The following SGCD variants were observed in gnomAD, a reference collection of about 807,000 sequenced individuals.
The protein encoded by SGCD is sarcoglycan delta, also known as delta-sarcoglycan.
A neutral mutation model predicts 36.6 loss-of-function variants in SGCD; 18 were observed. The observed-to-expected ratio is 0.49, with a 90% CI of 0.34 to 0.73. The LOEUF is 0.73. Ranked by LOEUF, SGCD falls within the 30% of genes least tolerant of loss-of-function variation. The pLI, the probability that SGCD is intolerant of heterozygous loss-of-function variation, is 0.01. For missense variants in SGCD, 387 were observed against 346.7 expected, an observed-to-expected ratio of 1.12 and a Z score of -0.92; for synonymous variants, 133 against 130.6, an observed-to-expected ratio of 1.02 and a Z score of -0.12.
intron 1 of SGCD, among the ~76,000 whole-genome samples, chr5:155,912,145 G>A (rs982631357): frequency 2.0e-5 from 3 of 152,014 alleles, no homozygotes; most frequent in African/African-American, 4.8e-5. Context: ...CAATGAATAA[G>A]TGACTTGTGT....
At chr5:155,764,605 A>T in the SGCD span, among the ~76,000 whole-genome samples, 1 of 152,182 alleles carries the variant, frequency 6.6e-6, no homozygotes, top group African/African-American at 2.4e-5. Flanking sequence ...GAGCCCATTG[A>T]AAACCTTTGC....
At chr5:156,564,432 A>G (rs978140516) in intron 4 of SGCD, among the ~76,000 whole-genome samples, 1 of 152,214 alleles carries the variant, frequency 6.6e-6, no homozygotes, top group African/African-American at 2.4e-5. Flanking sequence ...CCTGGGCGAC[A>G]GAGCAAGACT....
At chr5:156,700,942 CA>C (rs66896485) in intron 7 of SGCD, among the ~76,000 whole-genome samples, 3,658 of 128,410 alleles carry the variant, frequency 0.028, 156 homozygotes, top group African/African-American at 0.099. Context: ...GACCTTGTCT[CA>C]AAAAAAAAAA....
At chr5:156,350,193 T>C (rs1284301937) in intron 3 of SGCD, among the ~76,000 whole-genome samples, 1 of 146,992 alleles carries the variant, frequency 6.8e-6, no homozygotes, top group Non-Finnish European at 1.5e-5. Flanking sequence ...ACTATATTAT[T>C]GATCCATGTA....
At chr5:156,293,230 C>T (rs1303327172) in intron 3 of SGCD, among the ~76,000 whole-genome samples, 1 of 152,086 alleles carries the variant, frequency 6.6e-6, no homozygotes, top group Non-Finnish European at 1.5e-5. Context: ...TGTATAATAA[C>T]ATACCTGGCT....
intron 2 of SGCD, among the ~76,000 whole-genome samples, chr5:156,334,792 A>G (rs1768257560): frequency 6.6e-6 from 1 of 152,006 alleles, no homozygotes; most frequent in East Asian, 1.9e-4. Flanking sequence ...GATATATCCC[A>G]GATGCCTTGA....
intron 3 of SGCD, among the ~76,000 whole-genome samples, chr5:156,498,105 AAC>A (rs1249990881): frequency 6.6e-6 from 1 of 151,986 alleles, no homozygotes; most frequent in African/African-American, 2.4e-5. Context: ...GTGCACAAAT[AAC>A]AGTCATGTTT....
chr5:155,968,302 G>A (rs755073517), intron 1 of SGCD, among the ~76,000 whole-genome samples: 4 of 152,084 alleles, frequency 2.6e-5, no homozygotes, highest in African/African-American at 7.2e-5. Context: ...CACATGGCAC[G>A]TGGGTGCTTT....
intron 8 of SGCD, 34 bp from the exon 9 acceptor site, chr5:156,759,183 G>A (rs1167449396): frequency 6.3e-7 from 1 of 1,579,310 alleles, no homozygotes; most frequent in East Asian, 2.2e-5. Context: ...GACAGCCTCT[G>A]ACCAATGCTT....
At chr5:156,620,307 A>G (rs1762193008) in intron 6 of SGCD, among the ~76,000 whole-genome samples, 1 of 152,238 alleles carries the variant, frequency 6.6e-6, no homozygotes, top group Non-Finnish European at 1.5e-5. Context: ...GTTGAACACC[A>G]TTTGTACAAC....
chr5:155,749,604 G>T, the SGCD span, among the ~76,000 whole-genome samples: 6 of 152,118 alleles, frequency 3.9e-5, no homozygotes, highest in Admixed American at 3.3e-4. Context: ...TGTAGTTTTC[G>T]ATTAAAATGT....
At chr5:156,588,775 G>C (rs1053486844) in intron 4 of SGCD, among the ~76,000 whole-genome samples, 1 of 152,132 alleles carries the variant, frequency 6.6e-6, no homozygotes, top group Non-Finnish European at 1.5e-5. Flanking sequence ...ATGCCCGAGG[G>C]GCAGATCTTG....
intron 3 of SGCD, among the ~76,000 whole-genome samples, chr5:156,485,912 G>A (rs1389613856): frequency 1.3e-5 from 2 of 152,226 alleles, no homozygotes; most frequent in East Asian, 3.9e-4. Context: ...ATCCCCAGCA[G>A]TTCATGTTCC....
chr5:156,305,291 A>G (rs966392250), intron 3 of SGCD, among the ~76,000 whole-genome samples: 3 of 152,156 alleles, frequency 2.0e-5, no homozygotes, highest in African/African-American at 4.8e-5. Context: ...TGCTGTGTGC[A>G]GCTTAGGGAC....
At chr5:156,671,948 A>G (rs1753313481) in intron 7 of SGCD, among the ~76,000 whole-genome samples, 2 of 152,288 alleles carry the variant, frequency 1.3e-5, no homozygotes, top group African/African-American at 4.8e-5. Context: ...CTCCCATGTG[A>G]AATAATAGAG....
the SGCD span, among the ~76,000 whole-genome samples, chr5:155,770,256 C>A: frequency 2.2e-4 from 33 of 151,626 alleles, no homozygotes; most frequent in African/African-American, 7.7e-4. Context: ...AGAATAATAG[C>A]AATGATAGGG....
chr5:156,579,340 T>C (rs2113326929), intron 4 of SGCD, among the ~76,000 whole-genome samples: 1 of 152,318 alleles, frequency 6.6e-6, no homozygotes, highest in Admixed American at 6.5e-5. Flanking sequence ...AATTATGTGG[T>C]CAATTTTGGA....
chr5:156,293,637 A>G (rs2127679505), intron 3 of SGCD, among the ~76,000 whole-genome samples: 1 of 152,256 alleles, frequency 6.6e-6, no homozygotes, highest in East Asian at 1.9e-4. Context: ...ATATATGTCA[A>G]GGTTTTTTTA....
the SGCD span, among the ~76,000 whole-genome samples, chr5:155,766,966 GCTT>G: frequency 6.6e-6 from 1 of 152,028 alleles, no homozygotes; most frequent in African/African-American, 2.4e-5. Context: ...GCTCTCCCAG[GCTT>G]CTTCTCCAAT....
Sources: allele counts gnomAD v4.1 joint callset (sites outside exome capture counted in the v4.1 genomes callset), GRCh38; gene constraint gnomAD v4.1.1; transcripts MANE v1.5; gene names NCBI Gene and HGNC (gene_info 2026-07-23, HGNC 2026-07-21).